OGDH: variants seen among roughly 807,000 people sequenced by gnomAD.
The protein encoded by OGDH is 2-oxoglutarate dehydrogenase complex component E1.
Under a neutral mutation model 116.6 loss-of-function variants are expected in OGDH, and 38 were observed. That is an observed-to-expected ratio of 0.33 (90% CI 0.25 to 0.43). OGDH has a LOEUF of 0.43. OGDH is among the 20% of genes least tolerant of loss of function. OGDH has a pLI of 1.00. For missense variants in OGDH, 825 were observed against 1,357.2 expected (o/e 0.61, Z 6.16); for synonymous variants, 488 against 533.3 (o/e 0.92, Z 1.17).
At chr7:44,616,583 A>G (rs1423173175) in intron 1 of OGDH, among the ~76,000 whole-genome samples, 1 of 150,684 alleles carries the variant, frequency 6.6e-6, no homozygotes, top group Non-Finnish European at 1.5e-5. Context: ...TTATATCACT[A>G]GTTTGCCTTT....
At chr7:44,691,456 C>T (rs766485055) in intron 10 of OGDH, among the ~76,000 whole-genome samples, 4 of 148,342 alleles carry the variant, frequency 2.7e-5, no homozygotes, top group Middle Eastern at 3.3e-3. Flanking sequence ...TGCTTGAGCC[C>T]GGGAGGTCAA....
rs765431502 is a variant in OGDH at position 44,696,935 on chromosome 7, C to G, written c.1922C>G (p.Thr641Ser). The change falls in exon 15 of 23, where the codon ACT becomes AGT. Residue 641 changes from threonine to serine, a missense_variant. Coordinates refer to ENST00000222673, the MANE Select transcript of OGDH (RefSeq NM_002541.4). ...GCAGGGCTGAGCCGGATCTTGAAGA[C>G]TCGTGGGGAAATGGTGAAGAACCGG... ...IHGGLSRILK[T>S]RGEMVKNRTV... 6 of 1,613,040 alleles carry G rather than the reference C, an allele frequency of 3.7e-6. No individual in the cohort carries two copies. In the African/African-American group the frequency reaches 8.0e-5, roughly 22 times the overall value.
Position 44,693,911 on chromosome 7 carries a change from C to T in OGDH, c.1422C>T (p.His474=), listed in dbSNP as rs79522383. 1.5e-4 allele frequency: 238 copies of T among 1,614,094 alleles called. 1 individual carries two copies. The East Asian group carries it at 4.6e-3, about 31-fold the overall frequency. Residue 474 remains histidine (H), a synonymous_variant, in exon 11 of 23, where the codon CAC becomes CAT. Transcript: ENST00000222673. Reference sequence around the variant, plus strand: ...GAGTGGTGAATGCCCCCATTTTCCACGTGAACTCAGATGACCCCGAGGCTG... The same window carrying T: ...GAGTGGTGAATGCCCCCATTTTCCATGTGAACTCAGATGACCCCGAGGCTG... ...VARVVNAPIF[H]VNSDDPEAVM... is the part of the protein sequence containing the mutation.
intron 20 of OGDH, among the ~76,000 whole-genome samples, chr7:44,705,122 G>A (rs1440247378): frequency 6.2e-5 from 8 of 128,306 alleles, no homozygotes; most frequent in Admixed American, 3.3e-4. Flanking sequence ...GCGGGATCTC[G>A]GCTCACTGCA....
At chr7:44,686,046 C>CTTTTTTTTTTTT (rs947000633) in intron 10 of OGDH, among the ~76,000 whole-genome samples, 116 of 144,810 alleles carry the variant, frequency 8.0e-4, no homozygotes, top group South Asian at 1.1e-3. Context: ...TTCTTTCTTT[C>CTTTTTTTTTTTT]TTTTTTTTTT....
intron 12 of OGDH, among the ~76,000 whole-genome samples, chr7:44,695,628 G>A (rs895596838): frequency 6.6e-6 from 1 of 151,826 alleles, no homozygotes; most frequent in Non-Finnish European, 1.5e-5. Flanking sequence ...GCTTGAACCC[G>A]GGAGGCGGAA....
At chr7:44,633,718 G>A (rs1785545721) in intron 2 of OGDH, among the ~76,000 whole-genome samples, 1 of 152,168 alleles carries the variant, frequency 6.6e-6, no homozygotes, top group Non-Finnish European at 1.5e-5. Flanking sequence ...TTGTGTAGCT[G>A]GGCTGGGGTT....
intron 5 of OGDH, among the ~76,000 whole-genome samples, chr7:44,671,159 G>A (rs1326245595): frequency 6.6e-6 from 1 of 152,054 alleles, no homozygotes; most frequent in Admixed American, 6.6e-5. Context: ...AATCTAATTG[G>A]GCATCTGCAT....
At chr7:44,667,898 C>T (rs1787253710) in intron 5 of OGDH, among the ~76,000 whole-genome samples, 1 of 152,100 alleles carries the variant, frequency 6.6e-6, no homozygotes, top group South Asian at 2.1e-4. Context: ...AGTCTGAATC[C>T]TGACGTCCCT....
intron 4 of OGDH, among the ~76,000 whole-genome samples, chr7:44,658,599 G>A (rs955279574): frequency 9.9e-5 from 15 of 151,888 alleles, no homozygotes; most frequent in Non-Finnish European, 1.6e-4. Context: ...TTTTAGCACC[G>A]TACTGAATAA....
chr7:44,708,120 C>CCCCT lies in OGDH; in HGVS notation c.*127_*130dup. The CCCCT allele has an allele frequency of 9.7e-6, 13 of 1,337,616 alleles. No homozygotes were observed. Among genetic ancestry groups the CCCCT allele is most frequent in the Non-Finnish European group, 1.3e-5 (13 of 980,370 alleles). The allele number at this position is 1,337,616 out of a possible 1,614,324, so 82.9% of individuals were successfully genotyped here. A position where few individuals can be genotyped will look rare whatever the true frequency, so the allele number is the denominator to read the frequency against. On this transcript the variant is annotated 3_prime_UTR_variant, in exon 23 of 23. Transcript: ENST00000222673. ...CACCGCCCTCCTCGCTGTGCCACCA[C>CCCCT]CCCTCCCTCTGCTCTCATAGGAGTT...
Position 44,696,564 on chromosome 7 carries a change from C to A in OGDH, c.1900+7C>A, listed in dbSNP as rs112859149. On this transcript the variant is annotated splice_region_variant and intron_variant, in intron 14 of 22. Coordinates refer to ENST00000222673, the MANE Select transcript of OGDH (RefSeq NM_002541.4). ...AACTTTACTATTCATGGAGGTAACACGCTCTGTGCTGACCTGTGGAAATGT... is the reference window on the plus strand; with the variant it reads ...AACTTTACTATTCATGGAGGTAACAAGCTCTGTGCTGACCTGTGGAAATGT... 6.2e-7 allele frequency: 1 copy of A among 1,614,148 alleles called. No individual in the cohort carries two copies.
At chr7:44,650,187 TA>T (rs1413246690) in intron 4 of OGDH, among the ~76,000 whole-genome samples, 3 of 152,310 alleles carry the variant, frequency 2.0e-5, no homozygotes, top group Admixed American at 1.3e-4. Context: ...GTAAACTTGT[TA>T]AAACATTTGT....
At chr7:44,631,805 T>TTC (rs566446321) in intron 2 of OGDH, among the ~76,000 whole-genome samples, 8 of 151,646 alleles carry the variant, frequency 5.3e-5, no homozygotes, top group Non-Finnish European at 1.0e-4. Context: ...TAGCTCTCTT[T>TTC]TCTCTCTCTC....
At chr7:44,676,264 A>T in intron 9 of OGDH, 115 bp downstream of exon 9, 1 of 1,571,852 alleles carries the variant, frequency 6.4e-7, no homozygotes, top group South Asian at 1.1e-5. Flanking sequence ...TTAAAAAAAT[A>T]TTTAAAGTCG....
intron 8 of OGDH, among the ~76,000 whole-genome samples, 178 bp from the exon 9 acceptor site, chr7:44,675,792 G>A (rs1335174443): frequency 2.6e-5 from 4 of 151,444 alleles, no homozygotes; most frequent in African/African-American, 7.3e-5. Flanking sequence ...CAGGAGAATC[G>A]CTTGAACCCA....
chr7:44,621,929 T>G (rs1272403992), intron 1 of OGDH, among the ~76,000 whole-genome samples: 10 of 152,134 alleles, frequency 6.6e-5, no homozygotes, highest in African/African-American at 2.4e-4. Flanking sequence ...TAACTATGTG[T>G]CAGATTCAGT....
At position 44,674,571 on chromosome 7, in the gene OGDH, C is replaced by T. The variant is rs754246979; in HGVS notation, c.935+14C>T. 1.4e-5 allele frequency: 23 copies of T among 1,613,360 alleles called. No individual in the cohort carries two copies. The highest frequency in any genetic ancestry group is 1.1e-4 in the South Asian group (10 of 91,046). On this transcript the variant is annotated intron_variant, in intron 7 of 22. Coordinates refer to ENST00000222673, the MANE Select transcript of OGDH (RefSeq NM_002541.4). ...CATGCCACACAGGTACAGCCAAGGG[C>T]GCGCCCAACCTGGTTTCTCACCATC...
At position 44,697,523 on chromosome 7, in the gene OGDH, G is replaced by C; in HGVS notation, c.2179+26G>C. On this transcript the variant is annotated intron_variant, in intron 16 of 22. Transcript: ENST00000222673. This position sits in a 1 kb window ranked among gnomAD's most constrained non-coding sequence, Gnocchi z 6.0. ...GTGAGTGCCTGGAGCCACACCACCA[G>C]GGCCTGTCACCCACCCACCCCCGCT... The C allele has an allele frequency of 6.2e-7, 1 of 1,613,520 alleles. No individual in the cohort carries two copies. The highest frequency in any genetic ancestry group is 8.5e-7 in the Non-Finnish European group (1 of 1,179,616).
Sources: allele counts gnomAD v4.1 joint callset (sites outside exome capture counted in the v4.1 genomes callset), GRCh38; gene constraint gnomAD v4.1.1; non-coding constraint Gnocchi (gnomAD v3.1); transcripts MANE v1.5; gene names NCBI Gene and HGNC (gene_info 2026-07-23, HGNC 2026-07-21).